BMP1: variants seen among roughly 807,000 people sequenced by gnomAD.
The protein encoded by BMP1 is bone morphogenetic protein 1.
In BMP1, 63 loss-of-function variants were observed where a neutral mutation model predicts 116.8. The ratio of observed to expected loss-of-function variants is 0.54; its 90% CI spans 0.44 to 0.67. The LOEUF (loss-of-function observed/expected upper bound fraction) is 0.67, where lower values mean the gene tolerates loss of function less well. BMP1 is among the 30% of genes least tolerant of loss of function. The pLI, the probability that BMP1 is intolerant of heterozygous loss-of-function variation, is 0.00. For missense variants in BMP1, 1,183 were observed against 1,358.9 expected (o/e 0.87, Z 2.04); for synonymous variants, 536 against 533.4 (o/e 1.00, Z -0.07).
chr8:22,177,994 C>CA (rs752756012), intron 6 of BMP1, 37 bp downstream of exon 6: 11 of 1,497,114 alleles, frequency 7.3e-6, no homozygotes, highest in Non-Finnish European at 1.0e-5. Context: ...TCTGCTCGGG[C>CA]AGCCCCACCC....
chr8:22,207,798 C>A (rs894333603), intron 18 of BMP1, among the ~76,000 whole-genome samples: 3 of 152,214 alleles, frequency 2.0e-5, no homozygotes, highest in Admixed American at 6.5e-5. Context: ...TGAGCGTACG[C>A]GGGCCACCGC....
At position 22,180,458 on chromosome 8, in the gene BMP1, G is replaced by A. The variant is rs577420762; in HGVS notation, c.1052G>A (p.Arg351His). Residue 351 changes from arginine to histidine, a missense_variant, in exon 8 of 20, where the codon CGC becomes CAC. This residue lies in a region of BMP1 where 956 missense variants were observed against 1,135.2 expected (regional missense o/e 0.84). Coordinates refer to ENST00000306385, the MANE Select transcript of BMP1 (RefSeq NM_006129.5). ...GYSAHMHCVW[R>H]ISVTPGEKII... is the part of the protein sequence containing the mutation. ...TCTGCTCACATGCACTGCGTGTGGCGCATCTCTGTCACACCCGGGGAGAAG... is the reference window on the plus strand; with the variant it reads ...TCTGCTCACATGCACTGCGTGTGGCACATCTCTGTCACACCCGGGGAGAAG... 1.6e-5 allele frequency: 26 copies of A among 1,613,834 alleles called. No homozygotes were observed. Among genetic ancestry groups the A allele is most frequent in the Admixed American group, 5.0e-5 (3 of 60,018 alleles).
At chr8:22,197,130 G>A (rs994118773) in intron 14 of BMP1, 110 bp from the exon 15 acceptor site, 79 of 1,393,294 alleles carry the variant, frequency 5.7e-5, no homozygotes, top group Admixed American at 1.3e-4. Flanking sequence ...GTGAGGGGGC[G>A]TAGCTAAGTC....
rs35120584 is a variant in BMP1 at position 22,179,747 on chromosome 8, C to T, written c.879C>T (p.Asn293=). The change falls in exon 7 of 20, where the codon AAC becomes AAT. Residue 293 remains asparagine (N), a synonymous_variant. Coordinates refer to ENST00000306385, the MANE Select transcript of BMP1 (RefSeq NM_006129.5). This position sits in a 1 kb window ranked among gnomAD's most constrained non-coding sequence, Gnocchi z 4.6. ...CCATTGTCCCCAAGTATGAGGTGAA[C>T]GGGGTGAAACCTCCCATTGGCCAAA... ...LDTIVPKYEV[N]GVKPPIGQRT... 1,512 of 1,614,026 alleles carry T rather than the reference C, an allele frequency of 9.4e-4. 9 individuals are homozygous for T. The African/African-American group carries it at 0.016, about 18-fold the overall frequency.
In BMP1 at chr8:22,173,644, G is replaced by A. The variant is rs1425131652; in HGVS notation, c.191G>A (p.Arg64Lys). The change falls in exon 2 of 20, where the codon AGG (arginine) becomes AAG (lysine). Residue 64 changes from arginine to lysine, a missense_variant. This residue lies in a region of BMP1 where 185 missense variants were observed against 158.9 expected (regional missense o/e 1.16). Transcript: ENST00000306385. ...GDIALDEEDL[R>K]AFQVQQAVDL... ...ATTGCCCTGGACGAAGAGGACCTGA[G>A]GGCCTTCCAGGTACAGCAGGCTGTG... 1 of 1,613,654 alleles carries A rather than the reference G, an allele frequency of 6.2e-7. No individual in the cohort carries two copies. The highest frequency in any genetic ancestry group is 8.5e-7 in the Non-Finnish European group (1 of 1,179,738).
chr8:22,201,158 C>A (rs766799507), intron 15 of BMP1: 6 of 1,613,378 alleles, frequency 3.7e-6, no homozygotes, highest in East Asian at 2.2e-5. Flanking sequence ...GACGCCCCCA[C>A]CAGCTCAAAT....
chr8:22,165,806 T>G (rs1828079667), intron 1 of BMP1, among the ~76,000 whole-genome samples: 1 of 151,820 alleles, frequency 6.6e-6, no homozygotes, highest in South Asian at 2.1e-4. Flanking sequence ...GAAGTCTCCT[T>G]GCGTCCCGGG....
chr8:22,195,358 G>A (rs888779377), intron 12 of BMP1, 104 bp from the exon 13 acceptor site: 23 of 1,423,532 alleles, frequency 1.6e-5, no homozygotes, highest in Middle Eastern at 2.1e-4. Flanking sequence ...TCCAGCCATC[G>A]GGGAGCTGGG....
chr8:22,187,172 A>G (rs867500998), intron 8 of BMP1, among the ~76,000 whole-genome samples: 28 of 150,534 alleles, frequency 1.9e-4, no homozygotes, highest in African/African-American at 6.8e-4. Flanking sequence ...TATATTTTTA[A>G]TAAAGATGGG....
intron 16 of BMP1, among the ~76,000 whole-genome samples, 162 bp downstream of exon 16, chr8:22,202,090 G>C (rs919589161): frequency 6.6e-6 from 1 of 152,182 alleles, no homozygotes; most frequent in African/African-American, 2.4e-5. Flanking sequence ...TCCTCCTCCC[G>C]CAGTGTCGGA....
chr8:22,204,172 G>A (rs1563277052), intron 16 of BMP1, among the ~76,000 whole-genome samples: 1 of 152,214 alleles, frequency 6.6e-6, no homozygotes, highest in Non-Finnish European at 1.5e-5. Context: ...AGGGGGCGTG[G>A]AAGGCCAGAG....
At chr8:22,176,847 C>A in intron 4 of BMP1, 114 bp from the exon 5 acceptor site, 1 of 1,008,290 alleles carries the variant, frequency 9.9e-7, no homozygotes, top group Non-Finnish European at 1.5e-6. Context: ...TGCTCAGGGC[C>A]CACCCCTCCC....
chr8:22,190,529 G>T (rs1159988258), intron 8 of BMP1, among the ~76,000 whole-genome samples: 1 of 152,206 alleles, frequency 6.6e-6, no homozygotes, highest in Non-Finnish European at 1.5e-5. Flanking sequence ...GACAATTTTC[G>T]ATGAAGCCGG....
intron 16 of BMP1, among the ~76,000 whole-genome samples, chr8:22,203,736 G>A (rs1166632476): frequency 6.6e-6 from 1 of 152,168 alleles, no homozygotes; most frequent in African/African-American, 2.4e-5. Flanking sequence ...GCCCTCAACA[G>A]TGAACCAGTG....
Position 22,171,025 on chromosome 8 carries a change from G to A in BMP1, c.149-2577G>A, listed in dbSNP as rs117720080. ...GAACTTTGGTGAGTATGAACCCACT[G>A]CTTCTTCCTTGGAGTGTACCTCCCA... On this transcript the variant is annotated intron_variant, in intron 1 of 19. Coordinates refer to ENST00000306385, the MANE Select transcript of BMP1 (RefSeq NM_006129.5). 7.6e-3 allele frequency: 1,163 copies of A among 152,346 alleles called. 10 individuals carry two copies. The highest frequency in any genetic ancestry group is 0.013 in the Admixed American group (197 of 15,304). 9.4% of individuals were successfully genotyped at this position (152,346 alleles called of 1,614,324 possible).
intron 1 of BMP1, among the ~76,000 whole-genome samples, chr8:22,168,289 C>T (rs945631184): frequency 1.6e-4 from 24 of 152,020 alleles, no homozygotes; most frequent in Non-Finnish European, 2.4e-4. Flanking sequence ...TTGAGGCAGG[C>T]CTGATTTCCT....
chr8:22,169,472 G>T (rs374906769), intron 1 of BMP1: 42 of 152,436 alleles, frequency 2.8e-4, no homozygotes, highest in African/African-American at 9.9e-4. Context: ...CGGGGAAGTG[G>T]TTGAGTGTGT....
chr8:22,194,832 A>T lies in BMP1; in HGVS notation c.1552A>T (p.Ile518Phe). ...CTGTGGCTATGAGAAGCCTGATGAC[A>T]TCAAGAGCACGTCCAGCCGCCTCTG... ...RYCGYEKPDD[I>F]KSTSSRLWLK... Residue 518 changes from isoleucine to phenylalanine, a missense_variant, in exon 12 of 20, where the codon ATC becomes TTC. Ile to Phe is a conservative substitution (Grantham distance 21). This residue lies in a region of BMP1 where 956 missense variants were observed against 1,135.2 expected (regional missense o/e 0.84). Coordinates refer to ENST00000306385, the MANE Select transcript of BMP1 (RefSeq NM_006129.5). The surrounding 1 kb of genome is among the most constrained non-coding windows in gnomAD (Gnocchi z 4.5). 6.2e-7 allele frequency: 1 copy of T among 1,614,192 alleles called. No individual in the cohort carries two copies. The highest frequency in any genetic ancestry group is 8.5e-7 in the Non-Finnish European group (1 of 1,180,030).
intron 13 of BMP1, chr8:22,196,089 G>A: frequency 6.7e-6 from 3 of 444,992 alleles, no homozygotes; most frequent in East Asian, 6.3e-5. Context: ...TTCTGGCTTT[G>A]GGTTTGTTTT....
Sources: gnomAD v4.1 joint callset for allele counts (sites outside exome capture counted in the v4.1 genomes callset) on GRCh38, gnomAD v4.1.1 for gene constraint, gnomAD v4.1.1 regional missense constraint, Gnocchi (gnomAD v3.1) non-coding constraint, MANE v1.5 for transcripts, NCBI Gene and HGNC (gene_info 2026-07-23, HGNC 2026-07-21) for gene names.